Variants in PVT1 observed in about 807,000 individuals in gnomAD.
PVT1 encodes the protein Pvt1 oncogene, also known as CXCR4/PVT1 fusion.
At chr8:127,995,566 A>G (rs1465012288) in intron 4 of PVT1, among the ~76,000 whole-genome samples, 2 of 152,242 alleles carry the variant, frequency 1.3e-5, no homozygotes, top group Admixed American at 1.3e-4. Context: ...ATTGAGAATT[A>G]TAATAGATTC....
intron 3 of PVT1, among the ~76,000 whole-genome samples, chr8:127,906,275 G>A (rs185567538): frequency 2.4e-4 from 36 of 152,218 alleles, no homozygotes; most frequent in Non-Finnish European, 4.4e-4. Context: ...GAGCCAGAAC[G>A]AGACAGGAAG....
At chr8:128,015,360 G>A (rs901236602) in intron 4 of PVT1, among the ~76,000 whole-genome samples, 1 of 152,076 alleles carries the variant, frequency 6.6e-6, no homozygotes, top group Admixed American at 6.5e-5. Context: ...AAAATGCTGG[G>A]ATTACAAGTA....
chr8:127,855,210 C>T (rs543519297), intron 2 of PVT1: 6 of 398,674 alleles, frequency 1.5e-5, no homozygotes, highest in Non-Finnish European at 2.2e-5. Flanking sequence ...CAAAAGTGTT[C>T]TTAGGAGTCC....
At chr8:128,006,398 A>G (rs541514995) in intron 4 of PVT1, among the ~76,000 whole-genome samples, 7 of 152,238 alleles carry the variant, frequency 4.6e-5, no homozygotes, top group Admixed American at 1.3e-4. Context: ...ATCAGGAGGC[A>G]CCTGGTGTTG....
intron 2 of PVT1, among the ~76,000 whole-genome samples, chr8:127,863,135 C>T (rs547875739): frequency 1.4e-5 from 2 of 147,312 alleles, no homozygotes; most frequent in East Asian, 2.0e-4. Context: ...TTTCCGAGAC[C>T]GTGTCTTGCT....
chr8:127,871,864 G>A (rs748915401), intron 2 of PVT1, among the ~76,000 whole-genome samples: 9 of 151,978 alleles, frequency 5.9e-5, no homozygotes, highest in African/African-American at 9.7e-5. Flanking sequence ...CAAGGCAGGC[G>A]GATCCCCTGA....
At chr8:127,825,662 G>A (rs762920283) in intron 2 of PVT1, among the ~76,000 whole-genome samples, 13 of 152,090 alleles carry the variant, frequency 8.5e-5, no homozygotes, top group African/African-American at 2.4e-4. Context: ...CATGGGATGC[G>A]AATGCAAAAC....
intron 5 of PVT1, among the ~76,000 whole-genome samples, chr8:128,073,670 G>A (rs576537174): frequency 6.6e-6 from 1 of 152,094 alleles, no homozygotes; most frequent in East Asian, 1.9e-4. Context: ...TTGTGAGGAA[G>A]GGTCTGGTCC....
At chr8:127,920,938 C>T (rs567361373) in intron 3 of PVT1, among the ~76,000 whole-genome samples, 15 of 152,304 alleles carry the variant, frequency 9.8e-5, no homozygotes, top group Admixed American at 9.2e-4. Context: ...TGATTTGCAT[C>T]TCTAGTCAGC....
In PVT1 at chr8:127,970,148, A is replaced by T. The variant is rs7015112; in HGVS notation, n.783-19014A>T. On this transcript the variant is annotated intron_variant and non_coding_transcript_variant, in intron 3 of 10. Transcript: ENST00000651587. ...ATGAGCAGGAATTGTGCATCCAGGC[A>T]TGTGGCTTACTCACCTTTCCTGCTA... Among the ~76,000 whole-genome samples, 9 of 151,982 alleles carry T rather than the reference A, an allele frequency of 5.9e-5. No homozygotes were observed. In the South Asian group the frequency reaches 6.2e-4, roughly 11 times the overall value.
chr8:127,829,244 T>C (rs1428870019), intron 2 of PVT1, among the ~76,000 whole-genome samples: 1 of 152,062 alleles, frequency 6.6e-6, no homozygotes, highest in East Asian at 1.9e-4. Flanking sequence ...GCCATTGCAC[T>C]CCAGCCTGGG....
At chr8:127,881,354 G>A (rs954524637) in intron 2 of PVT1, among the ~76,000 whole-genome samples, 2 of 149,990 alleles carry the variant, frequency 1.3e-5, no homozygotes, top group Non-Finnish European at 2.9e-5. Context: ...GTGGACACAT[G>A]TTTCTATTCC....
chr8:128,017,594 AT>A lies in PVT1; in HGVS notation n.912+28318del, dbSNP rs571581812. ...CTATAAGTGCATGCCACCAAGCGCT[AT>A]TTTTTTTTTTTTTTAATTTTTTTAG... On this transcript the variant is annotated intron_variant and non_coding_transcript_variant, in intron 4 of 10. Transcript: ENST00000651587. Among the ~76,000 whole-genome samples the A allele has an allele frequency of 5.8e-3, 817 of 140,518 alleles. 1 individual carries two copies. Among genetic ancestry groups the A allele is most frequent in the Middle Eastern group, 0.015 (4 of 264 alleles). 92.2% of individuals were successfully genotyped at this position (140,518 alleles called of 152,430 possible).
intron 5 of PVT1, chr8:128,082,724 T>C (rs1358489445): frequency 6.6e-6 from 1 of 152,188 alleles, no homozygotes; most frequent in East Asian, 1.9e-4. Context: ...AAAGGAAGCT[T>C]ATTACTCCTT....
intron 4 of PVT1, among the ~76,000 whole-genome samples, chr8:128,058,796 C>T (rs1217797207): frequency 6.6e-6 from 1 of 152,128 alleles, no homozygotes; most frequent in African/African-American, 2.4e-5. Flanking sequence ...TGTCTCCCTC[C>T]ACCCCCAGCA....
chr8:128,091,613 C>T (rs1306359693), intron 5 of PVT1, among the ~76,000 whole-genome samples: 1 of 152,152 alleles, frequency 6.6e-6, no homozygotes, highest in East Asian at 1.9e-4. Context: ...CATGAAAGAG[C>T]GGTAAGGTGA....
chr8:128,003,509 C>A (rs1229971506), intron 4 of PVT1, among the ~76,000 whole-genome samples: 3 of 152,064 alleles, frequency 2.0e-5, no homozygotes, highest in Admixed American at 6.6e-5. Flanking sequence ...CCATGCCTGA[C>A]TAGTTTTTGT....
chr8:127,799,065 C>A (rs1271469485), intron 2 of PVT1, among the ~76,000 whole-genome samples: 6 of 151,426 alleles, frequency 4.0e-5, no homozygotes, highest in Non-Finnish European at 7.4e-5. Flanking sequence ...TTTTTAATTG[C>A]GAAATTCCGA....
intron 4 of PVT1, among the ~76,000 whole-genome samples, chr8:128,002,930 CCT>C (rs1817197429): frequency 6.7e-6 from 1 of 149,884 alleles, no homozygotes; most frequent in Non-Finnish European, 1.5e-5. Context: ...TTCCTCCCTC[CCT>C]GTCTCCCTCC....
Sources: gnomAD v4.1 joint callset for allele counts (sites outside exome capture counted in the v4.1 genomes callset) on GRCh38, gnomAD v4.1.1 for gene constraint, MANE v1.5 for transcripts, NCBI Gene and HGNC (gene_info 2026-07-23, HGNC 2026-07-21) for gene names.